The following KIAA1755 variants were observed in gnomAD, a reference collection of about 807,000 sequenced individuals.
The protein encoded by KIAA1755 is uncharacterized protein KIAA1755.
A neutral mutation model predicts 91.7 loss-of-function variants in KIAA1755; 68 were observed. The ratio of observed to expected loss-of-function variants is 0.74; its 90% confidence interval spans 0.61 to 0.91. The LOEUF (loss-of-function observed/expected upper bound fraction) is 0.91. KIAA1755 is among the 40% of genes least tolerant of loss of function. The pLI, the probability that KIAA1755 is intolerant of heterozygous loss-of-function variation, is 0.00. For missense variants in KIAA1755, 1,535 were observed against 1,494.4 expected (o/e 1.03, Z -0.45); for synonymous variants, 610 against 604.6 (o/e 1.01, Z -0.13).
At chr20:38,225,631 G>T (rs2075742326) in intron 8 of KIAA1755, 34 bp downstream of exon 8, 3 of 1,272,704 alleles carry the variant, frequency 2.4e-6, no homozygotes, top group Non-Finnish European at 3.5e-6. Flanking sequence ...AGAAGGAGTG[G>T]GGGTCAGGGG....
chr20:38,235,126 C>T (rs2075937659), intron 4 of KIAA1755, among the ~76,000 whole-genome samples: 1 of 151,986 alleles, frequency 6.6e-6, no homozygotes, highest in African/African-American at 2.4e-5. Flanking sequence ...TTTTTCATAT[C>T]AAAACGAGTG....
intron 5 of KIAA1755, 73 bp downstream of exon 5, chr20:38,231,129 G>C (rs1338248167): frequency 6.8e-7 from 1 of 1,468,524 alleles, no homozygotes; most frequent in Admixed American, 2.1e-5. Context: ...TCTCCACTCA[G>C]TGTCTGGTCC....
At chr20:38,231,395 C>A in intron 4 of KIAA1755, 70 bp from the exon 5 acceptor site, 1 of 1,480,198 alleles carries the variant, frequency 6.8e-7, no homozygotes. Flanking sequence ...CTCCTGTGGC[C>A]TGCAGACCTT....
chr20:38,254,257 A>C (rs2076300783), intron 1 of KIAA1755, among the ~76,000 whole-genome samples: 1 of 152,154 alleles, frequency 6.6e-6, no homozygotes, highest in Non-Finnish European at 1.5e-5. Flanking sequence ...ATCACTTAGC[A>C]TCTGCCGCCT....
chr20:38,232,794 A>T (rs2075892467), intron 4 of KIAA1755, among the ~76,000 whole-genome samples: 1 of 152,020 alleles, frequency 6.6e-6, no homozygotes, highest in Non-Finnish European at 1.5e-5. Flanking sequence ...CAGAAACTGG[A>T]AATTGATTAG....
intron 11 of KIAA1755, 66 bp from the exon 12 acceptor site, chr20:38,218,432 C>T: frequency 1.9e-6 from 3 of 1,592,712 alleles, no homozygotes; most frequent in Non-Finnish European, 2.6e-6. Context: ...CCAGCTCCCC[C>T]ACTTCCTTGC....
intron 4 of KIAA1755, among the ~76,000 whole-genome samples, chr20:38,232,773 G>A (rs907408020): frequency 2.0e-5 from 3 of 152,048 alleles, no homozygotes; most frequent in African/African-American, 7.2e-5. Flanking sequence ...GGATAAGAGG[G>A]GAGACTTGAA....
rs187636991 is a variant in KIAA1755, at chr20:38,244,238, G to A, written c.201+1691C>T. 3.7e-3 allele frequency among the ~76,000 whole-genome samples: 560 copies of A among 152,236 alleles called. 6 individuals carry two copies. Among genetic ancestry groups the A allele is most frequent in the African/African-American group, 0.013 (522 of 41,544 alleles). ...TTGTCAGGGAGAAGAAATAAGGATGGGGGAGCATCTGCATGAAATAGTGTC... is the reference window on the plus strand; with the variant it reads ...TTGTCAGGGAGAAGAAATAAGGATGAGGGAGCATCTGCATGAAATAGTGTC... On this transcript the variant is annotated intron_variant, in intron 2 of 13. Coordinates refer to ENST00000279024, the MANE Select transcript of KIAA1755 (RefSeq NM_001029864.2).
rs2076050984 is a variant in KIAA1755 at position 38,241,042 on chromosome 20, G to T, written c.1089C>A (p.His363Gln). The change falls in exon 3 of 14, where the codon CAC (histidine) becomes CAA (glutamine). Residue 363 changes from histidine to glutamine, a missense_variant. His to Gln is a conservative substitution (Grantham distance 24, BLOSUM62 0). Transcript: ENST00000279024. The part of the protein sequence containing the change: ...RRKVNLKAPT[H>Q]NSERPPQGSY... ...AGCCTTGGGGCGGCCTTTCTGAGTT[G>T]TGGGTGGGTGCTTTAAGATTGACCT... 6.2e-7 allele frequency: 1 copy of T among 1,614,166 alleles called. No individual in the cohort carries two copies. The highest frequency in any genetic ancestry group is 8.5e-7 in the Non-Finnish European group (1 of 1,180,038).
chr20:38,240,775 C>CTTGG lies in KIAA1755; in HGVS notation c.1352_1355dup (p.Lys452AsnfsTer8). On this transcript the variant is annotated frameshift_variant, in exon 3 of 14. Coordinates refer to ENST00000279024, the MANE Select transcript of KIAA1755 (RefSeq NM_001029864.2). LOFTEE classifies it high-confidence loss of function. ...TGTTTCTGCTAGGGCAGGGCATGGG[C>CTTGG]TTGGGAAGTCTCCCATTTCTCTCTT... is the stretch of plus-strand genomic sequence containing the variant. The CTTGG allele has an allele frequency of 6.2e-7, 1 of 1,603,964 alleles. No homozygotes were observed. Among genetic ancestry groups the CTTGG allele is most frequent in the South Asian group, 1.1e-5 (1 of 89,070 alleles).
At chr20:38,227,271 T>C in intron 6 of KIAA1755, 31 bp from the exon 7 acceptor site, 1 of 1,561,176 alleles carries the variant, frequency 6.4e-7, no homozygotes, top group Non-Finnish European at 8.8e-7. Context: ...AGAGTTGCTC[T>C]GCCCAAGGCT....
In KIAA1755 at chr20:38,223,554, G is replaced by A; in HGVS notation, c.2252C>T (p.Pro751Leu). ...ASIEEFEKAD[P>L]PGGMQEATRC... ...CAGGCTCACCTGCATCCCCCCAGGG[G>A]GGTCGGCCTTCTCGAATTCCTCGAT... Residue 751 changes from proline (P) to leucine (L), a missense_variant, in exon 9 of 14, where the codon CCC becomes CTC. Coordinates refer to ENST00000279024, the MANE Select transcript of KIAA1755 (RefSeq NM_001029864.2). 13 of 1,597,732 alleles carry A rather than the reference G, an allele frequency of 8.1e-6. No individual in the cohort carries two copies. Among genetic ancestry groups the A allele is most frequent in the South Asian group, 2.3e-5 (2 of 88,384 alleles).
chr20:38,260,205 G>A, intron 1 of KIAA1755: 1 of 1,456,584 alleles, frequency 6.9e-7, no homozygotes, highest in South Asian at 1.4e-5. Flanking sequence ...CTCAGCCTCA[G>A]GGCTGAGATT....
intron 1 of KIAA1755, among the ~76,000 whole-genome samples, chr20:38,246,787 C>T (rs2076168552): frequency 6.6e-6 from 1 of 152,188 alleles, no homozygotes; most frequent in African/African-American, 2.4e-5. Context: ...GGCAACTTCC[C>T]AAACCTGCTC....
intron 4 of KIAA1755, among the ~76,000 whole-genome samples, chr20:38,236,188 T>C (rs1160559421): frequency 1.3e-5 from 2 of 152,114 alleles, no homozygotes; most frequent in African/African-American, 2.4e-5. Context: ...TTTACTGCCA[T>C]GAGGAAAGAC....
Position 38,212,868 on chromosome 20 carries a change from T to G in KIAA1755, c.*174A>C. The G allele has an allele frequency of 9.2e-6, 5 of 540,608 alleles. No individual in the cohort carries two copies. Among genetic ancestry groups the G allele is most frequent in the South Asian group, 3.6e-5 (1 of 27,974 alleles). The allele number at this position is 540,608 out of a possible 1,614,324, so 33.5% of individuals were successfully genotyped here. On this transcript the variant is annotated 3_prime_UTR_variant, in exon 14 of 14. Transcript: ENST00000279024. ...GGGTGAAGATCGGGTCTTCCAGGAGTTTTCTGGAGCCAGGGGCAGGTCGAC... is the reference window on the plus strand; with the variant it reads ...GGGTGAAGATCGGGTCTTCCAGGAGGTTTCTGGAGCCAGGGGCAGGTCGAC...
intron 1 of KIAA1755, among the ~76,000 whole-genome samples, chr20:38,246,841 G>C (rs931893970): frequency 6.6e-5 from 10 of 152,050 alleles, no homozygotes; most frequent in African/African-American, 2.4e-4. Flanking sequence ...GCCCAGTCAG[G>C]CTCCTAGGCC....
At position 38,227,243 on chromosome 20, in the gene KIAA1755, G is replaced by C. The variant is rs778490709; in HGVS notation, c.1966-3C>G. The C allele has an allele frequency of 6.2e-7, 1 of 1,612,420 alleles. No individual in the cohort carries two copies. Among genetic ancestry groups the C allele is most frequent in the South Asian group, 1.1e-5 (1 of 90,974 alleles). ...CGGATAGAGGCTGGGACCTGAGCCT[G>C]TCAAAGACAACCACTGCAGAGTTGC... On this transcript the variant is annotated splice_region_variant and splice_polypyrimidine_tract_variant and intron_variant, in intron 6 of 13. Coordinates refer to ENST00000279024, the MANE Select transcript of KIAA1755 (RefSeq NM_001029864.2).
Position 38,246,235 on chromosome 20 carries a change from AC to A in KIAA1755, c.4-110del, listed in dbSNP as rs1167513678. 1.0e-5 allele frequency: 9 copies of A among 878,166 alleles called. No homozygotes were observed. In the East Asian group the frequency reaches 2.1e-4, roughly 21 times the overall value. 54.4% of individuals were successfully genotyped at this position (878,166 alleles called of 1,614,324 possible). A position where few individuals can be genotyped will look rare whatever the true frequency, so the allele number is the denominator to read the frequency against. On this transcript the variant is annotated intron_variant, in intron 1 of 13. Coordinates refer to ENST00000279024, the MANE Select transcript of KIAA1755 (RefSeq NM_001029864.2). Reference sequence around the variant, plus strand: ...GCCTAAGGCCCCTGCTAATTCTCTGACCTCCTCTCCTACCCCACCCCCCTCA... The same window carrying A: ...GCCTAAGGCCCCTGCTAATTCTCTGACTCCTCTCCTACCCCACCCCCCTCA...
Sources: gnomAD v4.1 joint callset for allele counts (sites outside exome capture counted in the v4.1 genomes callset) on GRCh38, gnomAD v4.1.1 for gene constraint, MANE v1.5 for transcripts, NCBI Gene and HGNC (gene_info 2026-07-23, HGNC 2026-07-21) for gene names.